COL17A1: variants seen among roughly 807,000 people sequenced by gnomAD.
The protein encoded by COL17A1 is collagen type XVII alpha 1 chain, also known as collagen alpha-1(XVII) chain.
In COL17A1, 181 loss-of-function variants were observed where a neutral mutation model predicts 218.4. The observed-to-expected ratio is 0.83, with a 90% confidence interval of 0.73 to 0.94. The LOEUF (loss-of-function observed/expected upper bound fraction) is 0.94. Among genes scored for constraint, COL17A1 ranks in the 40% least tolerant of loss-of-function variants. The pLI is 0.00. For missense variants in COL17A1, 1,924 were observed against 1,945.9 expected, an observed-to-expected ratio of 0.99 and a Z score of 0.21; for synonymous variants, 721 against 731.0, an observed-to-expected ratio of 0.99 and a Z score of 0.22.
intron 52 of COL17A1, 67 bp from the exon 53 acceptor site, chr10:104,033,442 A>C: frequency 6.4e-7 from 1 of 1,569,728 alleles, no homozygotes; most frequent in Non-Finnish European, 8.7e-7. Flanking sequence ...GCAGGAGCAC[A>C]GTGCCCTCCG....
intron 24 of COL17A1, among the ~76,000 whole-genome samples, chr10:104,051,738 C>T (rs900589145): frequency 6.6e-6 from 1 of 152,172 alleles, no homozygotes; most frequent in African/African-American, 2.4e-5. Flanking sequence ...CAGAGTAGAA[C>T]ATTTGGGCTG....
In COL17A1 at chr10:104,049,583, C is replaced by T. The variant is rs374996043; in HGVS notation, c.2165-112G>A. 14 of 1,182,378 alleles carry T rather than the reference C, an allele frequency of 1.2e-5. No homozygotes were observed. In the South Asian group the frequency reaches 1.5e-4, roughly 13 times the overall value. The allele number at this position is 1,182,378 out of a possible 1,614,324, so 73.2% of individuals were successfully genotyped here. ...CAAGGAAGCAGCTTCTGCTTTGATT[C>T]CAAGGTCAGGGCCACTTGGAACCCC... On this transcript the variant is annotated intron_variant, in intron 28 of 55. Transcript: ENST00000648076.
chr10:104,068,392 G>A (rs1405855611), intron 9 of COL17A1, among the ~76,000 whole-genome samples: 2 of 152,100 alleles, frequency 1.3e-5, no homozygotes, highest in African/African-American at 4.8e-5. Flanking sequence ...TTTGTAAATG[G>A]GTCATCCCAA....
intron 30 of COL17A1, 84 bp downstream of exon 30, chr10:104,047,985 C>T (rs965499830): frequency 3.2e-6 from 5 of 1,545,964 alleles, no homozygotes; most frequent in African/African-American, 1.4e-5. Context: ...CTCCTCTGCA[C>T]TATGGTTAAG....
intron 11 of COL17A1, 75 bp downstream of exon 11, chr10:104,063,672 A>G: frequency 2.5e-6 from 4 of 1,601,058 alleles, no homozygotes; most frequent in Non-Finnish European, 2.6e-6. Context: ...AAAGGCCTTC[A>G]TGCTCTTGGG....
chr10:104,055,955 A>C lies in COL17A1; in HGVS notation c.1514T>G (p.Ile505Ser), dbSNP rs1485563989. Residue 505 changes from isoleucine (I) to serine (S), a missense_variant, in exon 18 of 56, where the codon ATC (isoleucine) becomes AGC (serine). Transcript: ENST00000648076. ...CCCATAGGGCAGTATGCTCCTCCTG[A>C]TCCTCTCCAGCTCATCCACACGCGC... is the stretch of plus-strand genomic sequence containing the variant. ...LKARVDELER[I>S]RRSILPYGDS... 6.2e-7 allele frequency: 1 copy of C among 1,613,938 alleles called. No individual in the cohort carries two copies.
chr10:104,057,206 A>C (rs1406127137), intron 16 of COL17A1, 34 bp from the exon 17 acceptor site: 6 of 1,613,766 alleles, frequency 3.7e-6, no homozygotes, highest in East Asian at 4.5e-5. Context: ...AAGCAAATGC[A>C]GGCAGCTCCT....
rs749191492 is a variant in COL17A1, at chr10:104,076,284, G to A, written c.331+17C>T. 7 of 1,613,914 alleles carry A rather than the reference G, an allele frequency of 4.3e-6. No homozygotes were observed. In the South Asian group the frequency reaches 7.7e-5, roughly 18 times the overall value. On this transcript the variant is annotated intron_variant, in intron 5 of 55. Transcript: ENST00000648076. ...GGGAAGAGAATGGTTCTCTTGTATG[G>A]TTAGTGGGACTGATACCTTCATACG...
intron 51 of COL17A1, 139 bp downstream of exon 51, chr10:104,034,482 G>T: frequency 3.4e-6 from 5 of 1,488,342 alleles, no homozygotes; most frequent in Non-Finnish European, 4.5e-6. Flanking sequence ...GAGAATTTTG[G>T]TGTGGAAGGA....
intron 16 of COL17A1, among the ~76,000 whole-genome samples, 167 bp downstream of exon 16, chr10:104,057,979 T>C (rs1447379104): frequency 1.3e-5 from 2 of 152,114 alleles, no homozygotes; most frequent in Non-Finnish European, 2.9e-5. Flanking sequence ...AGCCTGCCAC[T>C]CCCCTGACCC....
intron 5 of COL17A1, among the ~76,000 whole-genome samples, chr10:104,074,642 A>C (rs1212180464): frequency 6.6e-6 from 1 of 152,210 alleles, no homozygotes; most frequent in Non-Finnish European, 1.5e-5. Flanking sequence ...ACGTGGACCC[A>C]GTTAAAATGA....
intron 1 of COL17A1, among the ~76,000 whole-genome samples, chr10:104,084,542 C>T (rs1161032748): frequency 6.6e-6 from 1 of 152,142 alleles, no homozygotes; most frequent in Non-Finnish European, 1.5e-5. Flanking sequence ...CCACTACGCA[C>T]ACCACTATGC....
intron 6 of COL17A1, among the ~76,000 whole-genome samples, chr10:104,073,683 C>G (rs1684783841): frequency 6.6e-6 from 1 of 152,146 alleles, no homozygotes; most frequent in African/African-American, 2.4e-5. Flanking sequence ...ATCCTGGCAT[C>G]AATTCATATG....
At chr10:104,064,327 G>A (rs2086607801) in intron 10 of COL17A1, 111 bp downstream of exon 10, 1 of 1,552,662 alleles carries the variant, frequency 6.4e-7, no homozygotes, top group Non-Finnish European at 8.8e-7. Flanking sequence ...GCCACAGAAA[G>A]CCTCTCCAGG....
chr10:104,039,721 A>G, intron 41 of COL17A1, 81 bp from the exon 42 acceptor site: 2 of 1,597,920 alleles, frequency 1.3e-6, no homozygotes, highest in Non-Finnish European at 1.7e-6. Flanking sequence ...CCCAAGATCC[A>G]TGATTGCTGG....
chr10:104,064,375 G>A (rs1478734104), intron 10 of COL17A1, 63 bp downstream of exon 10: 1 of 1,611,740 alleles, frequency 6.2e-7, no homozygotes, highest in Non-Finnish European at 8.5e-7. Flanking sequence ...GGGTCATCCA[G>A]CTCCAGGATA....
At chr10:104,053,338 C>T (rs1459762568) in intron 22 of COL17A1, among the ~76,000 whole-genome samples, 2 of 152,140 alleles carry the variant, frequency 1.3e-5, no homozygotes, top group African/African-American at 2.4e-5. Flanking sequence ...TCTACCTCTG[C>T]CCCAAACCTG....
intron 9 of COL17A1, among the ~76,000 whole-genome samples, chr10:104,068,691 A>G (rs942791249): frequency 1.3e-5 from 2 of 152,246 alleles, no homozygotes; most frequent in African/African-American, 4.8e-5. Flanking sequence ...AGTTTTAAAA[A>G]GCCTCTTGCT....
At chr10:104,052,090 T>G in intron 24 of COL17A1, 65 bp downstream of exon 24, 1 of 1,609,028 alleles carries the variant, frequency 6.2e-7, no homozygotes, top group South Asian at 1.1e-5. Flanking sequence ...CTCTTCTCTG[T>G]GATCCATCCT....
Sources: allele counts gnomAD v4.1 joint callset (sites outside exome capture counted in the v4.1 genomes callset), GRCh38; gene constraint gnomAD v4.1.1; transcripts MANE v1.5; gene names NCBI Gene and HGNC (gene_info 2026-07-23, HGNC 2026-07-21).